Variants in PDXDC1 observed in about 807,000 individuals in gnomAD.
PDXDC1 encodes pyridoxal dependent decarboxylase domain containing 1.
In PDXDC1, 42 loss-of-function variants were observed where a neutral mutation model predicts 100.1. The observed-to-expected ratio is 0.42, with a 90% confidence interval of 0.33 to 0.54. The LOEUF (loss-of-function observed/expected upper bound fraction) is 0.54, where lower values mean the gene tolerates loss of function less well. Among genes scored for constraint, PDXDC1 ranks in the 20% least tolerant of loss-of-function variants. The pLI is 0.10. For missense variants in PDXDC1, 636 were observed against 979.2 expected (o/e 0.65, Z 4.68); for synonymous variants, 260 against 371.7 (o/e 0.70, Z 3.46).
intron 16 of PDXDC1, chr16:15,133,465 G>C: frequency 1.1e-6 from 1 of 870,846 alleles, no homozygotes; most frequent in Non-Finnish European, 1.8e-6. Flanking sequence ...CAGTCTCGGG[G>C]GCGCCCTCCC....
chr16:15,063,333 G>A lies in PDXDC1; in HGVS notation c.1399+33277G>A, dbSNP rs192026747. 1.0e-4 allele frequency: 140 copies of A among 1,388,680 alleles called. No homozygotes were observed. The African/African-American group carries it at 1.3e-3, about 13-fold the overall frequency. The allele number at this position is 1,388,680 out of a possible 1,614,324, so 86.0% of individuals were successfully genotyped here. On this transcript the variant is annotated intron_variant, in intron 16 of 16. Transcript: ENST00000535621. ...AGTCAAGTTAAATACTTCGGCAGAA[G>A]TCAAAATTGGTTTGGATCTTTTCTC... is the stretch of plus-strand genomic sequence containing the variant.
Position 14,975,079 on chromosome 16 carries a change from TCTC to T in PDXDC1, c.-119_-117del. On this transcript the variant is annotated 5_prime_UTR_variant, in exon 1 of 23. Coordinates refer to ENST00000396410, the MANE Select transcript of PDXDC1 (RefSeq NM_015027.4). ...GGCGCCGCCTGGCAGCTCCTCCTCT[TCTC>T]CGCCCCGCCGGCCGCGGGCGCGGGG... The T allele has an allele frequency of 2.0e-6, 3 of 1,479,572 alleles. No individual in the cohort carries two copies. The allele number at this position is 1,479,572 out of a possible 1,614,324, so 91.7% of individuals were successfully genotyped here. A position where few individuals can be genotyped will look rare whatever the true frequency, so the allele number is the denominator to read the frequency against.
At chr16:14,992,886 C>G (rs1206565758) in intron 1 of PDXDC1, among the ~76,000 whole-genome samples, 1 of 150,918 alleles carries the variant, frequency 6.6e-6, no homozygotes, top group African/African-American at 2.4e-5. Context: ...CAGGGTTTTA[C>G]TCTGTTCCAG....
At chr16:15,050,411 G>A (rs1428343191) in intron 16 of PDXDC1, among the ~76,000 whole-genome samples, 1 of 152,112 alleles carries the variant, frequency 6.6e-6, no homozygotes, top group Non-Finnish European at 1.5e-5. Context: ...CATGACTGGT[G>A]CTAATTTAGG....
chr16:15,135,369 G>C, intron 16 of PDXDC1: 1 of 1,530,498 alleles, frequency 6.5e-7, no homozygotes. Flanking sequence ...CGTTCCCGTG[G>C]AATGGTGACC....
chr16:15,146,501 C>T, the PDXDC1 span, among the ~76,000 whole-genome samples: 1 of 152,072 alleles, frequency 6.6e-6, no homozygotes, highest in Non-Finnish European at 1.5e-5. Flanking sequence ...CACCAGAACG[C>T]GTCAAAAGGC....
chr16:15,083,412 A>C, intron 16 of PDXDC1: 3 of 1,535,574 alleles, frequency 2.0e-6, no homozygotes, highest in Non-Finnish European at 2.6e-6. Flanking sequence ...AAAGAAAAAG[A>C]AAAAGAAAGA....
chr16:15,027,413 T>C (rs2042696097), intron 14 of PDXDC1, among the ~76,000 whole-genome samples: 2 of 152,280 alleles, frequency 1.3e-5, no homozygotes, highest in Non-Finnish European at 2.9e-5. Context: ...GCTCTTTTAA[T>C]TTAGCCGTCT....
In PDXDC1 at chr16:15,026,608, T is replaced by C. The variant is rs752458787; in HGVS notation, c.1141-35T>C. ...CATTTTGAAGGCGTCTGGAGTTTAA[T>C]GTTACTTGGTGATATGAGACTTCCA... On this transcript the variant is annotated intron_variant, in intron 13 of 22. Transcript: ENST00000396410. The C allele has an allele frequency of 1.2e-5, 19 of 1,573,894 alleles. No homozygotes were observed. The East Asian group carries it at 4.1e-4, about 34-fold the overall frequency.
intron 17 of PDXDC1, 152 bp downstream of exon 17, chr16:15,032,058 A>C (rs1213389381): frequency 5.7e-6 from 4 of 703,796 alleles, no homozygotes; most frequent in Non-Finnish European, 9.6e-6. Flanking sequence ...GCATTTACAA[A>C]AGCACAGTGC....
intron 16 of PDXDC1, among the ~76,000 whole-genome samples, chr16:15,055,562 C>T (rs191529736): frequency 7.9e-5 from 12 of 152,362 alleles, no homozygotes; most frequent in Admixed American, 7.2e-4. Context: ...ACGGACCCAG[C>T]CCTATGGGGG....
intron 16 of PDXDC1, chr16:15,130,402 G>A (rs4012899): frequency 6.0e-5 from 95 of 1,574,258 alleles, no homozygotes; most frequent in East Asian, 2.3e-4. Flanking sequence ...AGCGCCGACA[G>A]GCGGAAGTGG....
chr16:15,033,347 A>G lies in PDXDC1; in HGVS notation c.1760A>G (p.Glu587Gly). The G allele has an allele frequency of 6.2e-7, 1 of 1,614,164 alleles. No individual in the cohort carries two copies. Among genetic ancestry groups the G allele is most frequent in the Non-Finnish European group, 8.5e-7 (1 of 1,180,006 alleles). The change falls in exon 19 of 23, where the codon GAG (glutamate) becomes GGG (glycine). Residue 587 changes from glutamate to glycine, a missense_variant. Coordinates refer to ENST00000396410, the MANE Select transcript of PDXDC1 (RefSeq NM_015027.4). ...GCGAGCGACAACGTCGATGCTGCTG[A>G]GCTCGTGGAGACCATTGCGGCCACA... is the stretch of plus-strand genomic sequence containing the variant. ...GMASDNVDAA[E>G]LVETIAATAR... is the part of the protein sequence containing the mutation.
At chr16:15,099,117 T>A (rs2046455036) in intron 16 of PDXDC1, among the ~76,000 whole-genome samples, 1 of 152,074 alleles carries the variant, frequency 6.6e-6, no homozygotes, top group Non-Finnish European at 1.5e-5. Context: ...AAGGAAACTC[T>A]GAGCATTATA....
chr16:15,003,197 A>G (rs1454163638), intron 4 of PDXDC1, among the ~76,000 whole-genome samples: 1 of 151,664 alleles, frequency 6.6e-6, no homozygotes, highest in African/African-American at 2.4e-5. Flanking sequence ...TATTTGATGC[A>G]TAGACCTGAG....
chr16:15,021,668 G>C (rs1360722573), intron 12 of PDXDC1, among the ~76,000 whole-genome samples: 2 of 152,286 alleles, frequency 1.3e-5, no homozygotes, highest in Non-Finnish European at 2.9e-5. Context: ...CTGAGGATTT[G>C]AATGCTGTCC....
At chr16:15,125,548 CA>C in intron 16 of PDXDC1, 1 of 1,584,198 alleles carries the variant, frequency 6.3e-7, no homozygotes, top group Non-Finnish European at 8.7e-7. Context: ...TAGGGGAACC[CA>C]CCTCTTAGAA....
intron 1 of PDXDC1, among the ~76,000 whole-genome samples, chr16:14,992,037 G>A (rs1265751530): frequency 6.6e-6 from 1 of 152,282 alleles, no homozygotes; most frequent in Non-Finnish European, 1.5e-5. Context: ...CCTTCAAGAA[G>A]CTTGTAATCT....
chr16:15,047,803 C>G (rs1400723999), intron 16 of PDXDC1: 23 of 1,435,418 alleles, frequency 1.6e-5, no homozygotes, highest in Non-Finnish European at 2.3e-5. Context: ...TTCAATGGTC[C>G]CAAAGGTTGG....
Sources: allele counts gnomAD v4.1 joint callset (sites outside exome capture counted in the v4.1 genomes callset), GRCh38; gene constraint gnomAD v4.1.1; transcripts MANE v1.5; gene names NCBI Gene and HGNC (gene_info 2026-07-23, HGNC 2026-07-21).